The following PIEZO2 variants were observed in gnomAD, a reference collection of about 807,000 sequenced individuals.
The protein encoded by PIEZO2 is piezo type mechanosensitive ion channel component 2.
Under a neutral mutation model 337.3 loss-of-function variants are expected in PIEZO2, and 172 were observed. The ratio of observed to expected loss-of-function variants is 0.51; its 90% CI spans 0.45 to 0.58. The LOEUF (loss-of-function observed/expected upper bound fraction) is 0.58. Ranked by LOEUF, PIEZO2 falls within the 20% of genes least tolerant of loss-of-function variation. The probability of loss-of-function intolerance (pLI) is 0.00; values close to 1 mark genes in which losing one functional copy is unlikely to be tolerated. For synonymous variants in PIEZO2, 1,251 were observed against 1,228.5 expected (o/e 1.02, Z -0.38); for missense variants, 3,028 against 3,391.3 (o/e 0.89, Z 2.66).
chr18:10,719,512 G>C (rs1004920382), intron 36 of PIEZO2, among the ~76,000 whole-genome samples: 2 of 152,154 alleles, frequency 1.3e-5, no homozygotes, highest in African/African-American at 4.8e-5. Context: ...TGTTGCTGCA[G>C]AAGACATGAT....
intron 3 of PIEZO2, among the ~76,000 whole-genome samples, chr18:10,923,656 T>G (rs2031556369): frequency 6.6e-6 from 1 of 152,240 alleles, no homozygotes; most frequent in African/African-American, 2.4e-5. Context: ...GACACTCAGC[T>G]TTTATCCCTC....
Position 11,148,885 on chromosome 18 carries a change from G to A in PIEZO2, c.-297C>T, listed in dbSNP as rs2040879426. On this transcript the variant is annotated 5_prime_UTR_variant, in exon 1 of 56. Coordinates refer to ENST00000674853, the MANE Select transcript of PIEZO2 (RefSeq NM_001378183.1). The surrounding 1 kb of genome is among the most constrained non-coding windows in gnomAD (Gnocchi z 5.2). ...TAGTGTGAATCCTGGATCCGGCAGCGGCGGCGGCTTCTTCAGGGGTAGCTG... is the reference window on the plus strand; with the variant it reads ...TAGTGTGAATCCTGGATCCGGCAGCAGCGGCGGCTTCTTCAGGGGTAGCTG... 8.5e-6 allele frequency: 3 copies of A among 353,548 alleles called. No homozygotes were observed. Among genetic ancestry groups the A allele is most frequent in the Non-Finnish European group, 1.5e-5 (3 of 199,202 alleles). The allele number at this position is 353,548 out of a possible 1,614,324, so 21.9% of individuals were successfully genotyped here. A position where few individuals can be genotyped will look rare whatever the true frequency, so the allele number is the denominator to read the frequency against.
chr18:11,064,654 G>T (rs1029901787), intron 2 of PIEZO2, among the ~76,000 whole-genome samples: 2 of 152,284 alleles, frequency 1.3e-5, no homozygotes, highest in East Asian at 3.9e-4. Flanking sequence ...GGGCTGGTTA[G>T]TTTGGGAAAA....
At chr18:11,103,706 G>A (rs2039480268) in intron 1 of PIEZO2, among the ~76,000 whole-genome samples, 1 of 152,042 alleles carries the variant, frequency 6.6e-6, no homozygotes, top group African/African-American at 2.4e-5. Flanking sequence ...AAAATGCCAA[G>A]CACAAATAAG....
At chr18:10,941,429 G>C (rs967717820) in intron 3 of PIEZO2, among the ~76,000 whole-genome samples, 1 of 152,152 alleles carries the variant, frequency 6.6e-6, no homozygotes, top group African/African-American at 2.4e-5. Flanking sequence ...TGCTTGTTTA[G>C]TATAAATTTT....
In PIEZO2 at chr18:10,962,197, G is replaced by A. The variant is rs1454220477; in HGVS notation, c.286+17338C>T. Among the ~76,000 whole-genome samples the A allele has an allele frequency of 6.6e-6, 1 of 152,184 alleles. No individual in the cohort carries two copies. Among genetic ancestry groups the A allele is most frequent in the African/African-American group, 2.4e-5 (1 of 41,450 alleles). On this transcript the variant is annotated intron_variant, in intron 3 of 55. Coordinates refer to ENST00000674853, the MANE Select transcript of PIEZO2 (RefSeq NM_001378183.1). This position sits in a 1 kb window ranked among gnomAD's most constrained non-coding sequence, Gnocchi z 4.1. Reference sequence around the variant, plus strand: ...TTTCCAGATGCTCTGTTCAATGAAAGAGTCTTAAAAATAATGCAAAACGAT... The same window carrying A: ...TTTCCAGATGCTCTGTTCAATGAAAAAGTCTTAAAAATAATGCAAAACGAT...
intron 3 of PIEZO2, among the ~76,000 whole-genome samples, chr18:10,977,001 A>ACGTG (rs71362196): frequency 1.1e-4 from 15 of 142,800 alleles, no homozygotes; most frequent in Non-Finnish European, 1.8e-4. Context: ...AAGAACAAAT[A>ACGTG]TGTGTGTGTG....
intron 16 of PIEZO2, among the ~76,000 whole-genome samples, chr18:10,785,205 C>T (rs989435685): frequency 1.3e-5 from 2 of 152,158 alleles, no homozygotes; most frequent in African/African-American, 4.8e-5. Flanking sequence ...TTTAATTAAA[C>T]CTCTGGTCCT....
At position 11,126,157 on chromosome 18, in the gene PIEZO2, C is replaced by T. The variant is rs186997298; in HGVS notation, c.64+22368G>A. On this transcript the variant is annotated intron_variant, in intron 1 of 55. Transcript: ENST00000674853. The surrounding 1 kb of genome is among the most constrained non-coding windows in gnomAD (Gnocchi z 4.6). Reference sequence around the variant, plus strand: ...CAGGTAGCTGAGCCATATGCTCCCCCGCATAGAGACTGGTTGCTTTGGTTT... The same window carrying T: ...CAGGTAGCTGAGCCATATGCTCCCCTGCATAGAGACTGGTTGCTTTGGTTT... 2.6e-5 allele frequency among the ~76,000 whole-genome samples: 4 copies of T among 152,340 alleles called. No homozygotes were observed. Among genetic ancestry groups the T allele is most frequent in the East Asian group, 3.9e-4 (2 of 5,192 alleles).
At chr18:10,789,709 A>G (rs1435031133) in intron 14 of PIEZO2, among the ~76,000 whole-genome samples, 1 of 152,240 alleles carries the variant, frequency 6.6e-6, no homozygotes, top group East Asian at 1.9e-4. Context: ...TATCAATTTC[A>G]AATTCTAATT....
At chr18:10,892,080 G>A (rs2042773560) in intron 4 of PIEZO2, among the ~76,000 whole-genome samples, 2 of 152,022 alleles carry the variant, frequency 1.3e-5, no homozygotes, top group Admixed American at 6.5e-5. Context: ...AAAATATGAT[G>A]TCCACACAAC....
At chr18:10,884,633 C>T (rs1278812053) in intron 4 of PIEZO2, among the ~76,000 whole-genome samples, 2 of 152,198 alleles carry the variant, frequency 1.3e-5, no homozygotes, top group Non-Finnish European at 2.9e-5. Context: ...CCATTAACGA[C>T]TAGCAGAAAT....
intron 9 of PIEZO2, among the ~76,000 whole-genome samples, chr18:10,802,035 G>A (rs1310949984): frequency 7.1e-6 from 1 of 141,362 alleles, no homozygotes; most frequent in Non-Finnish European, 1.5e-5. Flanking sequence ...GCAGTGAGCC[G>A]AGATCCCGCC....
chr18:10,684,445 G>A (rs193022543), intron 49 of PIEZO2, among the ~76,000 whole-genome samples: 52 of 140,936 alleles, frequency 3.7e-4, no homozygotes, highest in African/African-American at 1.3e-3. Context: ...GATTACAAGC[G>A]TGAACCACTG....
At chr18:10,897,088 C>T (rs1456838056) in intron 4 of PIEZO2, among the ~76,000 whole-genome samples, 1 of 152,152 alleles carries the variant, frequency 6.6e-6, no homozygotes, top group East Asian at 1.9e-4. Context: ...AACCACACTG[C>T]TAATAGTGTT....
rs2039304325 is a variant in PIEZO2, at chr18:11,097,915, C to A, written c.65-31693G>T. On this transcript the variant is annotated intron_variant, in intron 1 of 55. Coordinates refer to ENST00000674853, the MANE Select transcript of PIEZO2 (RefSeq NM_001378183.1). This position sits in a 1 kb window ranked among gnomAD's most constrained non-coding sequence, Gnocchi z 5.0. ...GAAAAAATGTGAGGCTTTTATTTTT[C>A]ACCTCATAGTCTTCCATACTATGAT... is the stretch of plus-strand genomic sequence containing the variant. Among the ~76,000 whole-genome samples, 1 of 152,070 alleles carries A rather than the reference C, an allele frequency of 6.6e-6. No individual in the cohort carries two copies. Among genetic ancestry groups the A allele is most frequent in the African/African-American group, 2.4e-5 (1 of 41,414 alleles).
In PIEZO2 at chr18:10,783,626, G is replaced by A. The variant is rs2039109246; in HGVS notation, c.2492+1158C>T. 6.6e-6 allele frequency among the ~76,000 whole-genome samples: 1 copy of A among 152,152 alleles called. No homozygotes were observed. On this transcript the variant is annotated intron_variant, in intron 17 of 55. Transcript: ENST00000674853. This position sits in a 1 kb window ranked among gnomAD's most constrained non-coding sequence, Gnocchi z 4.3. ...GCCCTCCTCCCTGCTGGGGCCTTGG[G>A]AGCAGAGAGGTTTTAGCAGAGCCTG...
chr18:10,842,128 G>A (rs1435671754), intron 7 of PIEZO2, among the ~76,000 whole-genome samples: 10 of 142,236 alleles, frequency 7.0e-5, no homozygotes, highest in East Asian at 2.1e-4. Flanking sequence ...CAGCCTGGGC[G>A]ACAAAGCGAG....
intron 1 of PIEZO2, among the ~76,000 whole-genome samples, chr18:11,130,978 TGTCA>T (rs1206613900): frequency 6.6e-6 from 1 of 152,186 alleles, no homozygotes; most frequent in African/African-American, 2.4e-5. Context: ...GTGTTTGAGG[TGTCA>T]GTGGCAGATA....
Sources: allele counts gnomAD v4.1 joint callset (sites outside exome capture counted in the v4.1 genomes callset), GRCh38; gene constraint gnomAD v4.1.1; non-coding constraint Gnocchi (gnomAD v3.1); transcripts MANE v1.5; gene names NCBI Gene and HGNC (gene_info 2026-07-23, HGNC 2026-07-21).